KDM6A: variants seen among roughly 807,000 people sequenced by gnomAD.
KDM6A encodes lysine-specific demethylase 6A.
In KDM6A, 11 loss-of-function variants were observed where a neutral mutation model predicts 117.6. The observed-to-expected ratio is 0.09, with a 90% CI of 0.06 to 0.15. KDM6A has a LOEUF of 0.15. Ranked by LOEUF, KDM6A falls within the 10% of genes least tolerant of loss-of-function variation. The probability of loss-of-function intolerance (pLI) is 1.00; values close to 1 mark genes in which losing one functional copy is unlikely to be tolerated. For missense variants in KDM6A, 799 were observed against 1,077.3 expected (o/e 0.74, Z 3.62); for synonymous variants, 384 against 396.1 (o/e 0.97, Z 0.36).
At chrX:44,897,986 G>T (rs2034029412) in intron 2 of KDM6A, among the ~76,000 whole-genome samples, 1 of 111,431 alleles carries the variant, frequency 9.0e-6, no homozygotes, top group Non-Finnish European at 1.9e-5. Context: ...AAAAAGTGGG[G>T]CACTAAGTCA....
chrX:45,041,189 C>T (rs1265447482), intron 8 of KDM6A, among the ~76,000 whole-genome samples: 4 of 82,323 alleles, frequency 4.9e-5, no homozygotes, highest in African/African-American at 5.8e-5. Context: ...CCCCCCCTCC[C>T]CCCTCCCGGA....
intron 2 of KDM6A, among the ~76,000 whole-genome samples, chrX:44,959,631 T>A (rs892617148): frequency 3.6e-5 from 4 of 111,496 alleles, no homozygotes; most frequent in Non-Finnish European, 5.7e-5. Flanking sequence ...TCTTATTCAT[T>A]AATGTAAAAT....
At position 45,033,357 on chromosome X, in the gene KDM6A, A is replaced by C. The variant is rs1275745412; in HGVS notation, c.565-1574A>C. On this transcript the variant is annotated intron_variant, in intron 6 of 29. Coordinates refer to ENST00000611820, the MANE Select transcript of KDM6A (RefSeq NM_001291415.2). Reference sequence around the variant, plus strand: ...AATAAAAGCAGTTTTCAAAGTGTTCAAATGTTAGATTTTTTTCATTCAGTC... The same window carrying C: ...AATAAAAGCAGTTTTCAAAGTGTTCCAATGTTAGATTTTTTTCATTCAGTC... Among the ~76,000 whole-genome samples, 4 of 111,773 alleles carry C rather than the reference A, an allele frequency of 3.6e-5. No homozygotes were observed. The East Asian group carries it at 1.1e-3, about 32-fold the overall frequency.
chrX:44,974,706 C>A lies in KDM6A; in HGVS notation c.375C>A (p.Asp125Glu). The A allele has an allele frequency of 8.5e-7, 1 of 1,183,192 alleles. No individual in the cohort carries two copies. The highest frequency in any genetic ancestry group is 1.2e-6 in the Non-Finnish European group (1 of 869,552). ...AGAGGTACTACAGTTTACAGTCTGA[C>A]TACTGGAAGGTTAGTGTACATTTGC... ...AYQRYYSLQS[D>E]YWKNAAFLYG... The change falls in exon 4 of 30, where the codon GAC becomes GAA. Residue 125 changes from aspartate (D) to glutamate (E), a missense_variant. Asp to Glu is a conservative substitution (Grantham distance 45). Around this residue, in one of 8 missense-constraint regions of KDM6A, gnomAD observed 89 missense variants for 117.8 expected, o/e 0.76. Coordinates refer to ENST00000611820, the MANE Select transcript of KDM6A (RefSeq NM_001291415.2).
At chrX:45,072,716 A>G (rs1274455003) in intron 18 of KDM6A, among the ~76,000 whole-genome samples, 1 of 110,086 alleles carries the variant, frequency 9.1e-6, no homozygotes, top group African/African-American at 3.3e-5. Context: ...GTTCAAAACT[A>G]ACATCATGAA....
chrX:44,886,937 C>CT (rs757868291), intron 2 of KDM6A, among the ~76,000 whole-genome samples: 1,065 of 97,031 alleles, frequency 0.011, 12 homozygotes, highest in African/African-American at 0.034. Flanking sequence ...AGATGAATAT[C>CT]TTTTTTTTTT....
intron 8 of KDM6A, among the ~76,000 whole-genome samples, chrX:45,038,963 C>A (rs1248654339): frequency 1.8e-5 from 2 of 109,618 alleles, no homozygotes; most frequent in African/African-American, 6.7e-5. Flanking sequence ...CCAAGTGTTA[C>A]AATAAGGCAT....
chrX:44,955,379 T>G (rs768816945), intron 2 of KDM6A, among the ~76,000 whole-genome samples: 102 of 111,324 alleles, frequency 9.2e-4, no homozygotes, highest in African/African-American at 3.3e-3. Flanking sequence ...TTGTCTTCAC[T>G]TTGGATACCT....
intron 4 of KDM6A, among the ~76,000 whole-genome samples, chrX:44,987,087 G>C (rs2040271270): frequency 9.0e-6 from 1 of 111,547 alleles, no homozygotes; most frequent in Non-Finnish European, 1.9e-5. Context: ...TTATGAATCT[G>C]GGTGCTCCTG....
At chrX:45,040,426 G>T (rs1267419587) in intron 8 of KDM6A, among the ~76,000 whole-genome samples, 1 of 89,639 alleles carries the variant, frequency 1.1e-5, no homozygotes, top group Admixed American at 1.1e-4. Flanking sequence ...TCCCAGACGG[G>T]GCGGCTGGCC....
At position 44,994,765 on chromosome X, in the gene KDM6A, G is replaced by A. The variant is rs1569510643; in HGVS notation, c.385-16196G>A. 2.7e-5 allele frequency among the ~76,000 whole-genome samples: 3 copies of A among 111,408 alleles called. No homozygotes were observed. The East Asian group carries it at 8.5e-4, about 32-fold the overall frequency. On this transcript the variant is annotated intron_variant, in intron 4 of 29. Transcript: ENST00000611820. ...TTCCCTGACACACCTGGCCCCTGCTGCTGTGTCGTTCCCCTATTGGCTAGG... is the reference window on the plus strand; with the variant it reads ...TTCCCTGACACACCTGGCCCCTGCTACTGTGTCGTTCCCCTATTGGCTAGG...
At chrX:44,960,139 T>C (rs2038587137) in intron 2 of KDM6A, among the ~76,000 whole-genome samples, 1 of 111,835 alleles carries the variant, frequency 8.9e-6, no homozygotes, top group Admixed American at 9.5e-5. Flanking sequence ...CATTTTCTTA[T>C]CTCAACAAAG....
chrX:44,910,261 A>G (rs1034399570), intron 2 of KDM6A, among the ~76,000 whole-genome samples: 2 of 111,691 alleles, frequency 1.8e-5, no homozygotes, highest in Non-Finnish European at 3.8e-5. Context: ...ATCTTGGTTC[A>G]CTGCAACCTG....
At chrX:45,044,076 C>T (rs1457189956) in intron 8 of KDM6A, among the ~76,000 whole-genome samples, 1 of 111,672 alleles carries the variant, frequency 9.0e-6, no homozygotes, top group Non-Finnish European at 1.9e-5. Context: ...GAGGCTATAC[C>T]ATATAGCTTA....
At chrX:45,059,865 C>T (rs1293161791) in intron 12 of KDM6A, among the ~76,000 whole-genome samples, 157 bp from the exon 13 acceptor site, 4 of 111,773 alleles carry the variant, frequency 3.6e-5, no homozygotes, top group South Asian at 3.7e-4. Context: ...GTTTATATTC[C>T]GGTTACCCTG....
intron 2 of KDM6A, among the ~76,000 whole-genome samples, chrX:44,940,522 T>C (rs764256659): frequency 1.8e-5 from 2 of 111,987 alleles, no homozygotes; most frequent in African/African-American, 3.2e-5. Flanking sequence ...AATTTGATCA[T>C]TGGCAGTAAA....
At chrX:45,040,406 C>T (rs1350738371) in intron 8 of KDM6A, among the ~76,000 whole-genome samples, 6 of 87,111 alleles carry the variant, frequency 6.9e-5, no homozygotes, top group African/African-American at 2.6e-4. Flanking sequence ...GGCTGATCCC[C>T]CCACCTCCCT....
In KDM6A at chrX:45,037,701, A is replaced by T. The variant is rs776718253; in HGVS notation, c.654+12A>T. ...TATATGAAACCCAGGTAAGTATTTT[A>T]ACTTATTCTATTTAAAACAAAAGCA... On this transcript the variant is annotated intron_variant, in intron 8 of 29. Coordinates refer to ENST00000611820, the MANE Select transcript of KDM6A (RefSeq NM_001291415.2). 8.6e-7 allele frequency: 1 copy of T among 1,166,664 alleles called. No homozygotes were observed. The highest frequency in any genetic ancestry group is 1.2e-6 in the Non-Finnish European group (1 of 855,940).
intron 5 of KDM6A, among the ~76,000 whole-genome samples, chrX:45,012,197 ATTTTTTTT>A (rs760991442): frequency 1.4e-5 from 1 of 69,070 alleles, no homozygotes; most frequent in Non-Finnish European, 2.7e-5. Context: ...CCCAATGTAG[ATTTTTTTT>A]TTTTTTTTTT....
Sources: gnomAD v4.1 joint callset for allele counts (sites outside exome capture counted in the v4.1 genomes callset) on GRCh38, gnomAD v4.1.1 for gene constraint, gnomAD v4.1.1 regional missense constraint, MANE v1.5 for transcripts, NCBI Gene and HGNC (gene_info 2026-07-23, HGNC 2026-07-21) for gene names.